Variants in AMD1 observed in about 807,000 individuals in gnomAD.
The protein encoded by AMD1 is adenosylmethionine decarboxylase 1, also known as S-adenosylmethionine decarboxylase proenzyme.
AMD1 carries 11 observed loss-of-function variants against 40.2 expected under a neutral mutation model. That is an observed-to-expected ratio of 0.27 (90% CI 0.17 to 0.45). The LOEUF (loss-of-function observed/expected upper bound fraction) is 0.45, where lower values mean the gene tolerates loss of function less well. Ranked by LOEUF, AMD1 falls within the 20% of genes least tolerant of loss-of-function variation. AMD1 has a pLI of 1.00. For synonymous variants in AMD1, 121 were observed against 130.8 expected, an observed-to-expected ratio of 0.93 and a Z score of 0.51; for missense variants, 257 against 410.2, an observed-to-expected ratio of 0.63 and a Z score of 3.23.
At chr6:110,893,193 A>G (rs1481421399) in intron 8 of AMD1, 128 bp downstream of exon 8, 23 of 972,944 alleles carry the variant, frequency 2.4e-5, no homozygotes, top group Admixed American at 1.1e-4. Context: ...CAGAAGTAAT[A>G]TTGTTTGAGG....
At chr6:110,876,676 C>T (rs1785132029) in intron 1 of AMD1, among the ~76,000 whole-genome samples, 2 of 152,014 alleles carry the variant, frequency 1.3e-5, no homozygotes, top group South Asian at 4.1e-4. Flanking sequence ...GTGCCAGGCT[C>T]ACGTGAGATT....
Position 110,895,450 on chromosome 6 carries a change from T to TTTTTGTTTTG in AMD1, c.*1853_*1862dup, listed in dbSNP as rs147095707. On this transcript the variant is annotated 3_prime_UTR_variant, in exon 9 of 9. Transcript: ENST00000368885. ...TGACTTGAGGTCTGGTTTGGTTTTG[T>TTTTTGTTTTG]TTTTGTTTTGTTTTGTTTTGTTTTG... The TTTTTGTTTTG allele has an allele frequency of 7.9e-5, 12 of 151,870 alleles. No homozygotes were observed. Among genetic ancestry groups the TTTTTGTTTTG allele is most frequent in the African/African-American group, 1.2e-4 (5 of 41,202 alleles). The allele number at this position is 151,870 out of a possible 1,614,324, so 9.4% of individuals were successfully genotyped here. A position where few individuals can be genotyped will look rare whatever the true frequency, so the allele number is the denominator to read the frequency against.
At chr6:110,869,153 C>T in the AMD1 span, among the ~76,000 whole-genome samples, 5,478 of 151,086 alleles carry the variant, frequency 0.036, 373 homozygotes, top group East Asian at 0.35. Context: ...TTTTTTGAGA[C>T]GGAGTCTCTC....
chr6:110,888,611 C>CTTT, intron 2 of AMD1: 2 of 234,770 alleles, frequency 8.5e-6, no homozygotes, highest in Non-Finnish European at 1.6e-5. Context: ...TGGCCTCTCT[C>CTTT]TTTTTTTTTT....
chr6:110,857,464 TGGA>T, the AMD1 span, among the ~76,000 whole-genome samples: 270 of 149,048 alleles, frequency 1.8e-3, no homozygotes, highest in African/African-American at 6.3e-3. Flanking sequence ...CCTGGGGAGG[TGGA>T]GATTGTGGAG....
chr6:110,861,854 C>CA, the AMD1 span, among the ~76,000 whole-genome samples: 2 of 150,632 alleles, frequency 1.3e-5, no homozygotes, highest in Middle Eastern at 6.9e-3. Flanking sequence ...ATCACACACA[C>CA]AAAAAAAAGA....
chr6:110,815,334 C>CTCT, the AMD1 span: 1 of 465,518 alleles, frequency 2.1e-6, no homozygotes, highest in Admixed American at 4.6e-5. Context: ...CCTCCTCCAC[C>CTCT]TCTTCCTCCT....
the AMD1 span, among the ~76,000 whole-genome samples, chr6:110,832,957 A>T: frequency 6.6e-6 from 1 of 152,116 alleles, no homozygotes; most frequent in Non-Finnish European, 1.5e-5. Flanking sequence ...AGTAGCTGGG[A>T]TTACAGGCGC....
the AMD1 span, among the ~76,000 whole-genome samples, chr6:110,829,994 A>T: frequency 6.6e-6 from 1 of 151,442 alleles, no homozygotes; most frequent in Non-Finnish European, 1.5e-5. Context: ...AATGTTAAGG[A>T]TCTTTGTTTT....
the AMD1 span, among the ~76,000 whole-genome samples, chr6:110,855,065 C>CTTTTTTTTTTTTTTTTTTTTTT: frequency 2.5e-5 from 2 of 80,464 alleles, no homozygotes; most frequent in Admixed American, 1.4e-4. Context: ...CTCTCTCTCT[C>CTTTTTTTTTTTTTTTTTTTTTT]TTTTTTTTTT....
chr6:110,859,893 G>C, the AMD1 span, among the ~76,000 whole-genome samples: 1 of 152,100 alleles, frequency 6.6e-6, no homozygotes, highest in African/African-American at 2.4e-5. Flanking sequence ...GCAGTGGTGC[G>C]ATCTTGGCTC....
the AMD1 span, among the ~76,000 whole-genome samples, chr6:110,868,942 C>T: frequency 6.6e-6 from 1 of 151,810 alleles, no homozygotes; most frequent in East Asian, 2.0e-4. Context: ...TGCCTGCAAT[C>T]CCAGCTACTC....
At chr6:110,879,358 C>T (rs534302807) in intron 1 of AMD1, among the ~76,000 whole-genome samples, 1 of 152,158 alleles carries the variant, frequency 6.6e-6, no homozygotes, top group Middle Eastern at 3.4e-3. Context: ...TCAACAACAA[C>T]GAAAATATTT....
At chr6:110,879,729 A>C (rs148968635) in intron 1 of AMD1, among the ~76,000 whole-genome samples, 1 of 152,334 alleles carries the variant, frequency 6.6e-6, no homozygotes, top group East Asian at 1.9e-4. Context: ...TAAGAGCAGA[A>C]TTGAGAAGCT....
At chr6:110,843,889 CT>C in the AMD1 span, among the ~76,000 whole-genome samples, 2 of 152,086 alleles carry the variant, frequency 1.3e-5, no homozygotes, top group Admixed American at 6.6e-5. Context: ...AGCTCGGCCC[CT>C]TTTCCACTTT....
chr6:110,824,689 A>G, the AMD1 span, among the ~76,000 whole-genome samples: 2 of 152,306 alleles, frequency 1.3e-5, no homozygotes, highest in South Asian at 4.1e-4. Flanking sequence ...CAAAAAAATA[A>G]AAATTAAATT....
At chr6:110,863,940 C>T in the AMD1 span, 1 of 479,524 alleles carries the variant, frequency 2.1e-6, no homozygotes. Flanking sequence ...AGGCCAAAAA[C>T]AAAGCAAAAC....
At chr6:110,871,140 T>A (rs1324554291), upstream of AMD1, among the ~76,000 whole-genome samples, 1 of 152,118 alleles carries the variant, frequency 6.6e-6, no homozygotes, top group Non-Finnish European at 1.5e-5. Context: ...CAGGACCAAA[T>A]CAAATAAGGG....
the AMD1 span, among the ~76,000 whole-genome samples, chr6:110,832,239 G>A: frequency 2.6e-5 from 4 of 151,728 alleles, no homozygotes; most frequent in Admixed American, 1.3e-4. Context: ...ACTCCTGACC[G>A]CATGATCCAC....
Sources: gnomAD v4.1 joint callset for allele counts (sites outside exome capture counted in the v4.1 genomes callset) on GRCh38, gnomAD v4.1.1 for gene constraint, MANE v1.5 for transcripts, NCBI Gene and HGNC (gene_info 2026-07-23, HGNC 2026-07-21) for gene names.